NAV2: variants seen among roughly 807,000 people sequenced by gnomAD.
The protein encoded by NAV2 is neuron navigator 2.
NAV2 carries 54 observed loss-of-function variants against 223.2 expected under a neutral mutation model. That is an observed-to-expected ratio of 0.24 (90% CI 0.19 to 0.30). The LOEUF (loss-of-function observed/expected upper bound fraction) is 0.30, where lower values mean the gene tolerates loss of function less well. Ranked by LOEUF, NAV2 falls within the 10% of genes least tolerant of loss-of-function variation. NAV2 has a pLI of 1.00. For synonymous variants in NAV2, 1,279 were observed against 1,239.3 expected (o/e 1.03, Z -0.67); for missense variants, 2,806 against 3,147.5 (o/e 0.89, Z 2.60).
intron 8 of NAV2, among the ~76,000 whole-genome samples, chr11:19,940,742 A>G (rs532124159): frequency 5.9e-4 from 90 of 152,318 alleles, no homozygotes; most frequent in Non-Finnish European, 1.1e-3. Context: ...AGCCCCAGTG[A>G]TTAATTTCAG....
chr11:19,607,973 G>A (rs2046526815), intron 1 of NAV2, among the ~76,000 whole-genome samples: 1 of 152,116 alleles, frequency 6.6e-6, no homozygotes, highest in Non-Finnish European at 1.5e-5. Flanking sequence ...TTTGATCCAG[G>A]GACTGTGCTG....
intron 1 of NAV2, among the ~76,000 whole-genome samples, chr11:19,572,746 T>C (rs1399677240): frequency 6.6e-6 from 1 of 152,200 alleles, no homozygotes; most frequent in Non-Finnish European, 1.5e-5. Context: ...TATGCCTCAT[T>C]TTCTTCATCT....
intron 1 of NAV2, among the ~76,000 whole-genome samples, chr11:19,769,762 A>C (rs1264999687): frequency 2.0e-5 from 3 of 152,188 alleles, no homozygotes; most frequent in African/African-American, 7.2e-5. Context: ...ATAATTTTTT[A>C]ACCCACTTCA....
At chr11:19,576,432 A>G (rs146771716) in intron 1 of NAV2, among the ~76,000 whole-genome samples, 1 of 152,342 alleles carries the variant, frequency 6.6e-6, no homozygotes, top group East Asian at 1.9e-4. Flanking sequence ...AAAATAATGC[A>G]TACTAATTGT....
chr11:20,074,650 G>A (rs980472898), intron 22 of NAV2, among the ~76,000 whole-genome samples: 6 of 151,938 alleles, frequency 3.9e-5, no homozygotes, highest in African/African-American at 1.5e-4. Flanking sequence ...AGGATAGTGA[G>A]CTCTTCTTGT....
intron 12 of NAV2, among the ~76,000 whole-genome samples, chr11:20,041,055 G>A (rs934141189): frequency 9.9e-5 from 15 of 152,186 alleles, no homozygotes; most frequent in African/African-American, 3.6e-4. Context: ...TGCCACTGAT[G>A]GAAATGGAGT....
In NAV2 at chr11:19,944,316, A is replaced by C. The variant is rs370592742; in HGVS notation, c.2147-2085A>C. ...GGTACACTAGTGCCAGCTCAGCTCA[A>C]ATGCTGCTCAGCCAAGTGTCTTGTG... On this transcript the variant is annotated intron_variant, in intron 8 of 37. Transcript: ENST00000349880. Among the ~76,000 whole-genome samples, 367 of 152,340 alleles carry C rather than the reference A, an allele frequency of 2.4e-3. 11 individuals carry two copies. The South Asian group carries it at 0.074, about 31-fold the overall frequency.
Position 19,958,051 on chromosome 11 carries a change from C to T in NAV2, c.2645+8971C>T, listed in dbSNP as rs181066128. On this transcript the variant is annotated intron_variant, in intron 10 of 37. Transcript: ENST00000349880. Reference sequence around the variant, plus strand: ...CATCCTGTGGGAAGGAAAAAGAAGACGGGAACAAAAGTGGGTGCTTTGGGA... The same window carrying T: ...CATCCTGTGGGAAGGAAAAAGAAGATGGGAACAAAAGTGGGTGCTTTGGGA... Among the ~76,000 whole-genome samples the T allele has an allele frequency of 1.9e-3, 290 of 152,232 alleles. 1 individual carries two copies. Among genetic ancestry groups the T allele is most frequent in the African/African-American group, 6.7e-3 (277 of 41,552 alleles).
intron 1 of NAV2, among the ~76,000 whole-genome samples, chr11:19,763,889 C>T (rs2152554130): frequency 6.6e-6 from 1 of 152,078 alleles, no homozygotes; most frequent in African/African-American, 2.4e-5. Flanking sequence ...GCCCTGCCCA[C>T]TGCAAAACGT....
At chr11:20,051,941 G>C (rs937146452) in intron 17 of NAV2, among the ~76,000 whole-genome samples, 2 of 152,138 alleles carry the variant, frequency 1.3e-5, no homozygotes, top group African/African-American at 4.8e-5. Flanking sequence ...TCCATTCCTG[G>C]TAAGTGGTGG....
intron 1 of NAV2, among the ~76,000 whole-genome samples, chr11:19,604,807 G>C (rs895599600): frequency 1.3e-5 from 2 of 152,094 alleles, no homozygotes; most frequent in Non-Finnish European, 2.9e-5. Flanking sequence ...AATTATGGGG[G>C]CGGGTCTTTC....
intron 11 of NAV2, among the ~76,000 whole-genome samples, chr11:20,008,863 T>C (rs1221856882): frequency 6.6e-6 from 1 of 152,174 alleles, no homozygotes; most frequent in Non-Finnish European, 1.5e-5. Flanking sequence ...GCTGGAAACA[T>C]TTTTTATTAC....
At position 19,713,394 on chromosome 11, in the gene NAV2, C is replaced by G; in HGVS notation, c.-302C>G. On this transcript the variant is annotated 5_prime_UTR_variant, in exon 1 of 38. Coordinates refer to ENST00000349880, the MANE Select transcript of NAV2 (RefSeq NM_145117.5). This position sits in a 1 kb window ranked among gnomAD's most constrained non-coding sequence, Gnocchi z 7.2. The stretch of plus-strand genomic sequence containing the variant: ...AGGAAATTTGCAAGAGGCGGCAGCC[C>G]CTGAGCGCCCAGAGCTCTTGAAAGG... 1 of 1,204,824 alleles carries G rather than the reference C, an allele frequency of 8.3e-7. No homozygotes were observed. Among genetic ancestry groups the G allele is most frequent in the Non-Finnish European group, 1.0e-6 (1 of 971,698 alleles). The allele number at this position is 1,204,824 out of a possible 1,614,324, so 74.6% of individuals were successfully genotyped here. A position where few individuals can be genotyped will look rare whatever the true frequency, so the allele number is the denominator to read the frequency against.
chr11:19,776,631 A>ACTGT (rs1565295867), intron 1 of NAV2, among the ~76,000 whole-genome samples: 1 of 22,750 alleles, frequency 4.4e-5, no homozygotes, highest in African/African-American at 1.2e-4. Context: ...GGGGTCAGAA[A>ACTGT]ATGTGTGTGT....
At chr11:20,058,124 C>T (rs1294327272) in intron 19 of NAV2, among the ~76,000 whole-genome samples, 5 of 152,268 alleles carry the variant, frequency 3.3e-5, no homozygotes, top group South Asian at 2.1e-4. Context: ...TAATTCCTTT[C>T]GTTGAAATTC....
chr11:19,637,588 A>G (rs1336810421), intron 1 of NAV2, among the ~76,000 whole-genome samples: 5 of 152,260 alleles, frequency 3.3e-5, no homozygotes, highest in African/African-American at 1.2e-4. Context: ...TAGCCCCGGC[A>G]TCTGCTTCTG....
At chr11:19,453,429 T>C (rs1851855672) in intron 1 of NAV2, among the ~76,000 whole-genome samples, 1 of 152,238 alleles carries the variant, frequency 6.6e-6, no homozygotes, top group Non-Finnish European at 1.5e-5. Flanking sequence ...GGCAGCAAGA[T>C]TTAGATCAAT....
At chr11:19,671,878 G>T (rs1284529047) in intron 1 of NAV2, among the ~76,000 whole-genome samples, 1 of 152,174 alleles carries the variant, frequency 6.6e-6, no homozygotes, top group African/African-American at 2.4e-5. Context: ...AGCTCCTCCT[G>T]CATGCTTAGC....
At chr11:19,480,018 C>G (rs1172119260) in intron 1 of NAV2, among the ~76,000 whole-genome samples, 1 of 152,120 alleles carries the variant, frequency 6.6e-6, no homozygotes, top group Non-Finnish European at 1.5e-5. Context: ...TACATATTGT[C>G]TATGATTGCT....
Sources: allele counts gnomAD v4.1 joint callset (sites outside exome capture counted in the v4.1 genomes callset), GRCh38; gene constraint gnomAD v4.1.1; non-coding constraint Gnocchi (gnomAD v3.1); transcripts MANE v1.5; gene names NCBI Gene and HGNC (gene_info 2026-07-23, HGNC 2026-07-21).